Variants in CCSER1 observed in about 807,000 individuals in gnomAD.
The protein encoded by CCSER1 is serine-rich coiled-coil domain-containing protein 1.
In CCSER1, 41 loss-of-function variants were observed where a neutral mutation model predicts 82.0. The observed-to-expected ratio is 0.50, with a 90% confidence interval of 0.39 to 0.65. The LOEUF is 0.65. Among genes scored for constraint, CCSER1 ranks in the 30% least tolerant of loss-of-function variants. The pLI is 0.00. For missense variants in CCSER1, 1,119 were observed against 1,064.2 expected (o/e 1.05, Z -0.72); for synonymous variants, 414 against 383.9 (o/e 1.08, Z -0.92).
intron 10 of CCSER1, among the ~76,000 whole-genome samples, chr4:91,574,761 G>C (rs1763363285): frequency 2.0e-5 from 3 of 151,920 alleles, no homozygotes; most frequent in Non-Finnish European, 2.9e-5. Context: ...GGAGGGGAAA[G>C]AGTTTTAAAA....
intron 5 of CCSER1, among the ~76,000 whole-genome samples, chr4:90,502,017 A>G (rs951606792): frequency 6.6e-6 from 1 of 152,204 alleles, no homozygotes; most frequent in Non-Finnish European, 1.5e-5. Flanking sequence ...TCTACCATAT[A>G]TATCAATCAA....
chr4:90,668,190 A>G (rs1579832692), intron 6 of CCSER1, among the ~76,000 whole-genome samples: 1 of 152,298 alleles, frequency 6.6e-6, no homozygotes, highest in Non-Finnish European at 1.5e-5. Context: ...TGTCGCTAAA[A>G]ACAGAGGAGG....
intron 6 of CCSER1, among the ~76,000 whole-genome samples, chr4:90,707,940 A>C (rs1739719484): frequency 6.6e-6 from 1 of 152,052 alleles, no homozygotes; most frequent in African/African-American, 2.4e-5. Context: ...ATATTATCCT[A>C]CCTACTGAAC....
At chr4:90,778,289 A>G (rs17245485) in intron 7 of CCSER1, among the ~76,000 whole-genome samples, 88,927 of 151,862 alleles carry the variant, frequency 0.59, 26,360 homozygotes, top group African/African-American at 0.67. Context: ...ATAGGAAGAA[A>G]ATTTAAACTC....
intron 10 of CCSER1, among the ~76,000 whole-genome samples, chr4:91,318,662 G>C (rs552991531): frequency 6.6e-6 from 1 of 151,982 alleles, no homozygotes; most frequent in Non-Finnish European, 1.5e-5. Flanking sequence ...AATTGTAAAT[G>C]CTACTTTAAA....
chr4:91,542,038 GT>G (rs1408441633), intron 10 of CCSER1, among the ~76,000 whole-genome samples: 2 of 152,278 alleles, frequency 1.3e-5, no homozygotes, highest in East Asian at 3.9e-4. Context: ...TTTGAGAAGT[GT>G]CTGTTAATAC....
At chr4:90,419,797 C>G (rs2153560122) in intron 4 of CCSER1, among the ~76,000 whole-genome samples, 1 of 151,990 alleles carries the variant, frequency 6.6e-6, no homozygotes. Flanking sequence ...GGAAATATAT[C>G]TAAACTCTTA....
chr4:91,154,264 T>G (rs1730571408), intron 10 of CCSER1, among the ~76,000 whole-genome samples: 1 of 152,136 alleles, frequency 6.6e-6, no homozygotes, highest in Admixed American at 6.5e-5. Flanking sequence ...CTCAGACTGC[T>G]GTGCTAGCAG....
intron 10 of CCSER1, among the ~76,000 whole-genome samples, chr4:91,368,073 C>A (rs534085431): frequency 3.8e-4 from 58 of 151,782 alleles, no homozygotes; most frequent in Non-Finnish European, 7.4e-4. Flanking sequence ...TAGTATTTTT[C>A]CATGGGTGGA....
intron 6 of CCSER1, among the ~76,000 whole-genome samples, chr4:90,709,120 G>A (rs1739993915): frequency 6.6e-6 from 1 of 151,748 alleles, no homozygotes. Context: ...TTTATATGAT[G>A]GAAATTTATT....
At chr4:90,446,605 A>G (rs1431196626) in intron 4 of CCSER1, among the ~76,000 whole-genome samples, 1 of 152,170 alleles carries the variant, frequency 6.6e-6, no homozygotes, top group Non-Finnish European at 1.5e-5. Flanking sequence ...CTTGTCATAA[A>G]ATAATATTGG....
At chr4:90,839,227 A>G (rs1371675915) in intron 8 of CCSER1, among the ~76,000 whole-genome samples, 1 of 152,248 alleles carries the variant, frequency 6.6e-6, no homozygotes, top group African/African-American at 2.4e-5. Flanking sequence ...GAATCTAAAC[A>G]AATACAAAGG....
chr4:91,222,715 T>A (rs1737850707), intron 10 of CCSER1, among the ~76,000 whole-genome samples: 1 of 152,176 alleles, frequency 6.6e-6, no homozygotes, highest in South Asian at 2.1e-4. Context: ...CCAACAAAAT[T>A]GTATGTGATA....
At chr4:91,297,845 T>G (rs1292995201) in intron 10 of CCSER1, among the ~76,000 whole-genome samples, 2 of 152,014 alleles carry the variant, frequency 1.3e-5, no homozygotes, top group African/African-American at 4.8e-5. Context: ...GGAAAAGTGG[T>G]AAAAACAGTA....
intron 10 of CCSER1, among the ~76,000 whole-genome samples, chr4:91,215,744 C>A (rs535398141): frequency 6.6e-6 from 1 of 152,288 alleles, no homozygotes; most frequent in Admixed American, 6.5e-5. Context: ...AGGAACAATA[C>A]TTTGCATCCT....
intron 1 of CCSER1, among the ~76,000 whole-genome samples, chr4:90,223,747 C>T (rs770685635): frequency 9.2e-5 from 14 of 152,048 alleles, no homozygotes; most frequent in Non-Finnish European, 1.3e-4. Flanking sequence ...AACAATATAA[C>T]GTAAAAAAAG....
intron 9 of CCSER1, among the ~76,000 whole-genome samples, chr4:91,025,702 A>G (rs2150540197): frequency 6.6e-6 from 1 of 152,264 alleles, no homozygotes; most frequent in East Asian, 1.9e-4. Flanking sequence ...GCACTGAGCT[A>G]AGAAGGGAGA....
At chr4:90,876,214 A>G (rs1403732046) in intron 8 of CCSER1, among the ~76,000 whole-genome samples, 1 of 152,074 alleles carries the variant, frequency 6.6e-6, no homozygotes, top group Non-Finnish European at 1.5e-5. Flanking sequence ...CTTCACTCCA[A>G]AAGTCTTTAG....
intron 9 of CCSER1, among the ~76,000 whole-genome samples, chr4:90,930,245 T>G (rs780541688): frequency 2.0e-5 from 3 of 152,146 alleles, no homozygotes; most frequent in Non-Finnish European, 4.4e-5. Flanking sequence ...ATTTTTCTAA[T>G]ATTTTTCCTA....
Sources: allele counts gnomAD v4.1 joint callset (sites outside exome capture counted in the v4.1 genomes callset), GRCh38; gene constraint gnomAD v4.1.1; transcripts MANE v1.5; gene names NCBI Gene and HGNC (gene_info 2026-07-23, HGNC 2026-07-21).